FSCN2: variants seen among roughly 807,000 people sequenced by gnomAD.
FSCN2 encodes the protein fascin-2.
FSCN2 carries 46 observed loss-of-function variants against 37.8 expected under a neutral mutation model. That is an observed-to-expected ratio of 1.22 (90% CI 0.96 to 1.56). The LOEUF (loss-of-function observed/expected upper bound fraction) is 1.56. Ranked by LOEUF, FSCN2 falls within the 40% of genes most tolerant of loss-of-function variation. The probability of loss-of-function intolerance (pLI) is 0.00; values close to 1 mark genes in which losing one functional copy is unlikely to be tolerated. For missense variants in FSCN2, 844 were observed against 730.4 expected, an observed-to-expected ratio of 1.16 and a Z score of -1.79; for synonymous variants, 351 against 309.4, an observed-to-expected ratio of 1.13 and a Z score of -1.41.
chr17:81,515,227 CGG>C, the FSCN2 span, among the ~76,000 whole-genome samples: 1 of 152,134 alleles, frequency 6.6e-6, no homozygotes, highest in Non-Finnish European at 1.5e-5. Context: ...CAAGGTCGCG[CGG>C]GGCCTGTCCT....
the FSCN2 span, among the ~76,000 whole-genome samples, chr17:81,522,778 G>A: frequency 6.6e-6 from 1 of 152,228 alleles, no homozygotes; most frequent in South Asian, 2.1e-4. Context: ...AAGTCCAGCT[G>A]GGCTGTAGAC....
intron 1 of FSCN2, among the ~76,000 whole-genome samples, chr17:81,533,618 C>T (rs1598578199): frequency 6.6e-6 from 1 of 152,222 alleles, no homozygotes; most frequent in African/African-American, 2.4e-5. Flanking sequence ...AACTTCTCCC[C>T]TAAGTCCTAG....
At chr17:81,519,734 G>C in the FSCN2 span, among the ~76,000 whole-genome samples, 1 of 152,186 alleles carries the variant, frequency 6.6e-6, no homozygotes, top group Non-Finnish European at 1.5e-5. Flanking sequence ...AAGTGGGATG[G>C]GGTCACCCGT....
rs548425712 is a variant in FSCN2 at position 81,532,404 on chromosome 17, G to A, written c.827-2648G>A. 1.6e-4 allele frequency among the ~76,000 whole-genome samples: 20 copies of A among 127,098 alleles called. No homozygotes were observed. In the East Asian group the frequency reaches 4.9e-3, roughly 31 times the overall value. The allele number at this position is 127,098 out of a possible 152,430, so 83.4% of individuals were successfully genotyped here. A position where few individuals can be genotyped will look rare whatever the true frequency, so the allele number is the denominator to read the frequency against. On this transcript the variant is annotated intron_variant, in intron 1 of 4. Coordinates refer to ENST00000417245, the MANE Select transcript of FSCN2 (RefSeq NM_012418.4). ...AGTGATGGCGATGATGGTGATGATA[G>A]TGATGGTGATGATGGTGATGGTGAT...
chr17:81,535,590 T>C, intron 2 of FSCN2, among the ~76,000 whole-genome samples: 1 of 95,468 alleles, frequency 1.0e-5, no homozygotes, highest in Non-Finnish European at 2.1e-5. Flanking sequence ...CATCTCTATC[T>C]CTACCATGCC....
At chr17:81,529,476 T>C (rs2032478397) in intron 1 of FSCN2, 119 bp downstream of exon 1, 3 of 903,856 alleles carry the variant, frequency 3.3e-6, no homozygotes, top group Non-Finnish European at 5.4e-6. Flanking sequence ...ATGTCTGTTC[T>C]GGGCTGGGGG....
intron 1 of FSCN2, among the ~76,000 whole-genome samples, chr17:81,531,390 GTGATGA>G (rs1555671291): frequency 9.1e-6 from 1 of 109,888 alleles, no homozygotes; most frequent in Non-Finnish European, 1.9e-5. Context: ...GGTGGTGATG[GTGATGA>G]TGGTGATGGT....
upstream of FSCN2, among the ~76,000 whole-genome samples, chr17:81,525,424 T>G (rs2032320706): frequency 2.0e-5 from 1 of 49,074 alleles, no homozygotes; most frequent in Non-Finnish European, 4.4e-5. Flanking sequence ...AGACTCTGTC[T>G]CAAAAAAAAA....
chr17:81,516,492 C>G, the FSCN2 span, among the ~76,000 whole-genome samples: 1 of 152,240 alleles, frequency 6.6e-6, no homozygotes, highest in Non-Finnish European at 1.5e-5. Flanking sequence ...AAGGTGATGG[C>G]CCTGTTTCCT....
At chr17:81,535,661 C>T (rs986502004) in intron 2 of FSCN2, among the ~76,000 whole-genome samples, 1 of 4,398 alleles carries the variant, frequency 2.3e-4, no homozygotes, top group Non-Finnish European at 4.5e-4. Flanking sequence ...CCATCCCCAT[C>T]TCCATCCCCA....
Position 81,528,608 on chromosome 17 carries a change from C to T in FSCN2, c.77C>T (p.Ala26Val). 6.2e-7 allele frequency: 1 copy of T among 1,608,390 alleles called. No homozygotes were observed. The highest frequency in any genetic ancestry group is 1.1e-5 in the South Asian group (1 of 90,186). The change falls in exon 1 of 5, where the codon GCT becomes GTT. Residue 26 changes from alanine to valine, a missense_variant. By Grantham distance (64) the Ala-to-Val change is moderately conservative. Coordinates refer to ENST00000417245, the MANE Select transcript of FSCN2 (RefSeq NM_012418.4). ...LVNDTDRYLT[A>V]ESFGFKVNAS... is the part of the protein sequence containing the mutation. ...AACGACACTGACCGCTACCTGACAG[C>T]TGAGAGCTTCGGCTTCAAGGTCAAT...
intron 1 of FSCN2, among the ~76,000 whole-genome samples, chr17:81,531,660 GTGATGATGATGGTGA>G (rs2032616835): frequency 1.8e-5 from 2 of 113,430 alleles, no homozygotes; most frequent in African/African-American, 3.4e-5. Context: ...GATAGTGATG[GTGATGATGATGGTGA>G]TGATGATGGT....
At position 81,529,336 on chromosome 17, in the gene FSCN2, C is replaced by T. The variant is rs372447325; in HGVS notation, c.805C>T (p.Arg269Cys). Residue 269 changes from arginine (R) to cysteine (C), a missense_variant, in exon 1 of 5, where the codon CGC becomes TGC. Transcript: ENST00000417245. ...GGTGGTGCTGGTGGCTGCCAACCAC[C>T]GCTACGTCTCTGTGCGGCAAGGTAG... ...PQVVLVAANH[R>C]YVSVRQGVNV... 32 of 1,549,650 alleles carry T rather than the reference C, an allele frequency of 2.1e-5. No individual in the cohort carries two copies. The highest frequency in any genetic ancestry group is 9.5e-5 in the African/African-American group (7 of 73,632).
At position 81,528,483 on chromosome 17, in the gene FSCN2, A is replaced by G; in HGVS notation, c.-49A>G. ...CTGGGGGACCGCGGGGGCCGTGAGC[A>G]CTCAGAGGGCGCATCCCAGGCCCCT... is the stretch of plus-strand genomic sequence containing the variant. On this transcript the variant is annotated 5_prime_UTR_variant, in exon 1 of 5. Coordinates refer to ENST00000417245, the MANE Select transcript of FSCN2 (RefSeq NM_012418.4). 1.4e-6 allele frequency: 2 copies of G among 1,384,868 alleles called. No individual in the cohort carries two copies. Among genetic ancestry groups the G allele is most frequent in the Non-Finnish European group, 2.0e-6 (2 of 1,002,290 alleles). 85.8% of individuals were successfully genotyped at this position (1,384,868 alleles called of 1,614,324 possible).
In FSCN2 at chr17:81,528,853, G is replaced by T; in HGVS notation, c.322G>T (p.Gly108Cys). Reference protein sequence around the residue: ...GRWVLRSEPHGRFFGGTEDQL... With the variant: ...GRWVLRSEPHCRFFGGTEDQL... The stretch of plus-strand genomic sequence containing the variant: ...CTGGGTGCTGCGGTCCGAGCCGCAC[G>T]GCCGCTTCTTCGGAGGCACCGAGGA... The change falls in exon 1 of 5, where the codon GGC (glycine) becomes TGC (cysteine). Residue 108 changes from glycine to cysteine, a missense_variant. By Grantham distance (159) the Gly-to-Cys change is radical (BLOSUM62 -3). Coordinates refer to ENST00000417245, the MANE Select transcript of FSCN2 (RefSeq NM_012418.4). 1 of 1,557,384 alleles carries T rather than the reference G, an allele frequency of 6.4e-7. No homozygotes were observed.
Position 81,535,121 on chromosome 17 carries a change from A to G in FSCN2, c.896A>G (p.Glu299Gly). 1 of 1,534,046 alleles carries G rather than the reference A, an allele frequency of 6.5e-7. No individual in the cohort carries two copies. Among genetic ancestry groups the G allele is most frequent in the East Asian group, 2.5e-5 (1 of 40,780 alleles). The change falls in exon 2 of 5, where the codon GAG becomes GGG. Residue 299 changes from glutamate to glycine, a missense_variant. Glu to Gly is a moderately conservative substitution (Grantham distance 98). Transcript: ENST00000417245. ...HETFLMQIDQ[E>G]TKKCTFYSST... ...ACCTTCCTGATGCAAATTGACCAGG[A>G]GACAAAGAAGTGCACCTTCTATTCC... is the stretch of plus-strand genomic sequence containing the variant.
chr17:81,530,694 C>A, intron 1 of FSCN2: 1 of 474,462 alleles, frequency 2.1e-6, no homozygotes. Flanking sequence ...GGTACACTGA[C>A]ACTCTGGGGC....
intron 1 of FSCN2, among the ~76,000 whole-genome samples, chr17:81,531,638 G>A (rs1436212872): frequency 8.8e-4 from 128 of 145,782 alleles, no homozygotes; most frequent in African/African-American, 3.1e-3. Flanking sequence ...TGGTGATGGT[G>A]GTGGTGGTGA....
intron 3 of FSCN2, 62 bp from the exon 4 acceptor site, chr17:81,536,560 C>T: frequency 6.3e-7 from 1 of 1,592,298 alleles, no homozygotes; most frequent in Non-Finnish European, 8.5e-7. Context: ...GGCCCCCACC[C>T]CGCCCGGCCT....
Sources: gnomAD v4.1 joint callset for allele counts (sites outside exome capture counted in the v4.1 genomes callset) on GRCh38, gnomAD v4.1.1 for gene constraint, MANE v1.5 for transcripts, NCBI Gene and HGNC (gene_info 2026-07-23, HGNC 2026-07-21) for gene names.